Variants in DCC observed in about 807,000 individuals in gnomAD.
The protein encoded by DCC is netrin receptor DCC.
In DCC, 58 loss-of-function variants were observed where a neutral mutation model predicts 172.5. That is an observed-to-expected ratio of 0.34 (90% CI 0.27 to 0.42). DCC has a LOEUF of 0.42. Ranked by LOEUF, DCC falls within the 10% of genes least tolerant of loss-of-function variation. DCC has a pLI of 1.00. For synonymous variants in DCC, 709 were observed against 644.5 expected (o/e 1.10, Z -1.52); for missense variants, 1,740 against 1,791.0 (o/e 0.97, Z 0.51).
intron 12 of DCC, among the ~76,000 whole-genome samples, chr18:53,224,914 G>A (rs1196015706): frequency 6.6e-6 from 1 of 152,154 alleles, no homozygotes; most frequent in Non-Finnish European, 1.5e-5. Flanking sequence ...CATGCCAGGA[G>A]ATATAAATTT....
At chr18:52,766,016 C>G (rs1024616817) in intron 2 of DCC, among the ~76,000 whole-genome samples, 2 of 152,178 alleles carry the variant, frequency 1.3e-5, no homozygotes, top group Admixed American at 1.3e-4. Context: ...AGGGGTTCTT[C>G]CTTTACTCAG....
intron 19 of DCC, among the ~76,000 whole-genome samples, chr18:53,405,748 G>A (rs1414993428): frequency 6.6e-6 from 1 of 152,064 alleles, no homozygotes; most frequent in Non-Finnish European, 1.5e-5. Flanking sequence ...TATATGCTTG[G>A]CATTCTTCTG....
chr18:52,482,467 T>G (rs1458224466), intron 1 of DCC, among the ~76,000 whole-genome samples: 1 of 152,162 alleles, frequency 6.6e-6, no homozygotes, highest in African/African-American at 2.4e-5. Flanking sequence ...CTCTAAGTTC[T>G]CGTGTCTGGG....
intron 24 of DCC, among the ~76,000 whole-genome samples, chr18:53,460,293 T>C (rs12970460): frequency 0.3 from 33,885 of 113,524 alleles, 3,696 homozygotes; most frequent in Non-Finnish European, 0.43. Context: ...TTTTTTTTTT[T>C]TTTTTTTTTT....
intron 27 of DCC, chr18:53,505,455 A>AGTATTTTTCAG (rs1193025681): frequency 3.9e-5 from 6 of 152,248 alleles, no homozygotes; most frequent in African/African-American, 1.4e-4. Flanking sequence ...CTGAACAGCT[A>AGTATTTTTCAG]GTATTTTTCA....
chr18:53,414,267 A>G (rs1910167138), intron 20 of DCC, among the ~76,000 whole-genome samples: 1 of 152,170 alleles, frequency 6.6e-6, no homozygotes, highest in South Asian at 2.1e-4. Flanking sequence ...CAGCTCTACT[A>G]TGCAGCATAG....
chr18:52,828,087 C>T (rs1254608157), intron 2 of DCC, among the ~76,000 whole-genome samples: 3 of 152,070 alleles, frequency 2.0e-5, no homozygotes, highest in Non-Finnish European at 4.4e-5. Context: ...GTTCAATTCC[C>T]ACATGCCCCA....
chr18:53,039,751 A>G (rs1002896118), intron 5 of DCC, among the ~76,000 whole-genome samples: 9 of 151,946 alleles, frequency 5.9e-5, no homozygotes, highest in African/African-American at 1.4e-4. Flanking sequence ...TTCACATCCT[A>G]ATCACAAGGG....
At chr18:52,834,630 T>TA (rs1255126973) in intron 2 of DCC, among the ~76,000 whole-genome samples, 17 of 152,286 alleles carry the variant, frequency 1.1e-4, no homozygotes, top group East Asian at 9.7e-4. Flanking sequence ...AAAATATTTG[T>TA]AAAAAAATTT....
intron 7 of DCC, among the ~76,000 whole-genome samples, chr18:53,156,664 T>C (rs2054740939): frequency 6.6e-6 from 1 of 152,198 alleles, no homozygotes; most frequent in Non-Finnish European, 1.5e-5. Flanking sequence ...CTGGAGATTA[T>C]GGCCCTCTTA....
At chr18:52,394,244 T>G (rs973060549) in intron 1 of DCC, among the ~76,000 whole-genome samples, 2 of 151,992 alleles carry the variant, frequency 1.3e-5, no homozygotes, top group African/African-American at 4.8e-5. Flanking sequence ...TTGAATACTA[T>G]TTGCAACAGA....
intron 1 of DCC, among the ~76,000 whole-genome samples, chr18:52,702,259 AC>A (rs2036138607): frequency 6.6e-6 from 1 of 151,852 alleles, no homozygotes; most frequent in Non-Finnish European, 1.5e-5. Context: ...ACACCCTCCA[AC>A]CCTACTTGTT....
chr18:53,041,153 C>T lies in DCC; in HGVS notation c.986-22152C>T, dbSNP rs541459086. On this transcript the variant is annotated intron_variant, in intron 5 of 28. Transcript: ENST00000442544. ...AGGGTTTTTATTGTTTTAGGTCTTA[C>T]GTTTAAGTCTTTAATCCGACTTGAA... 7.6e-5 allele frequency among the ~76,000 whole-genome samples: 11 copies of T among 145,068 alleles called. No individual in the cohort carries two copies. In the South Asian group the frequency reaches 2.2e-3, roughly 29 times the overall value.
chr18:52,485,898 A>C (rs2030194557), intron 1 of DCC, among the ~76,000 whole-genome samples: 1 of 152,198 alleles, frequency 6.6e-6, no homozygotes, highest in Non-Finnish European at 1.5e-5. Context: ...TTTTTAGATC[A>C]TAAATATCAT....
At chr18:53,288,591 C>T (rs546507159) in intron 12 of DCC, among the ~76,000 whole-genome samples, 10 of 151,956 alleles carry the variant, frequency 6.6e-5, no homozygotes, top group Non-Finnish European at 1.2e-4. Flanking sequence ...TTTAAGTAGT[C>T]AGCCCTAATG....
At chr18:52,478,582 T>A (rs990543689) in intron 1 of DCC, among the ~76,000 whole-genome samples, 2 of 152,224 alleles carry the variant, frequency 1.3e-5, no homozygotes, top group Non-Finnish European at 2.9e-5. Context: ...CTCATGAATC[T>A]GCAGGCTGTA....
At chr18:52,799,714 G>A (rs1261492617) in intron 2 of DCC, among the ~76,000 whole-genome samples, 2 of 151,802 alleles carry the variant, frequency 1.3e-5, no homozygotes, top group Non-Finnish European at 2.9e-5. Context: ...ACTACAAAAA[G>A]CCCAGCATAA....
chr18:53,191,988 T>G (rs1340140267), intron 9 of DCC, among the ~76,000 whole-genome samples: 1 of 152,246 alleles, frequency 6.6e-6, no homozygotes, highest in Non-Finnish European at 1.5e-5. Context: ...TTTGTCTTCC[T>G]GCTGCTATCT....
At chr18:52,993,688 T>C (rs2041431492) in intron 5 of DCC, among the ~76,000 whole-genome samples, 1 of 152,094 alleles carries the variant, frequency 6.6e-6, no homozygotes, top group Non-Finnish European at 1.5e-5. Context: ...GTAATATGGA[T>C]TGGGGACACA....
Sources: gnomAD v4.1 joint callset for allele counts (sites outside exome capture counted in the v4.1 genomes callset) on GRCh38, gnomAD v4.1.1 for gene constraint, MANE v1.5 for transcripts, NCBI Gene and HGNC (gene_info 2026-07-23, HGNC 2026-07-21) for gene names.